Variants in SIRPA observed in about 807,000 individuals in gnomAD.
The protein encoded by SIRPA is tyrosine-protein phosphatase non-receptor type substrate 1.
In SIRPA, 9 loss-of-function variants were observed where a neutral mutation model predicts 50.3. That is an observed-to-expected ratio of 0.18 (90% CI 0.11 to 0.31). The LOEUF (loss-of-function observed/expected upper bound fraction) is 0.31, where lower values mean the gene tolerates loss of function less well. SIRPA is among the 10% of genes least tolerant of loss of function. The probability of loss-of-function intolerance (pLI) is 1.00; values close to 1 mark genes in which losing one functional copy is unlikely to be tolerated. For synonymous variants in SIRPA, 265 were observed against 284.1 expected, an observed-to-expected ratio of 0.93 and a Z score of 0.68; for missense variants, 474 against 661.6, an observed-to-expected ratio of 0.72 and a Z score of 3.11.
chr20:1,901,079 A>T (rs910422737), intron 1 of SIRPA, among the ~76,000 whole-genome samples: 1 of 151,654 alleles, frequency 6.6e-6, no homozygotes, highest in African/African-American at 2.4e-5. Flanking sequence ...ACAGGTAGGG[A>T]AACTGAGGCC....
upstream of SIRPA, chr20:1,895,359 G>T (rs1328061300): frequency 3.3e-5 from 25 of 762,200 alleles, 2 homozygotes; most frequent in South Asian, 6.1e-4. Flanking sequence ...GGGAAGGGGG[G>T]GAGCCTTAGT....
intron 1 of SIRPA, among the ~76,000 whole-genome samples, chr20:1,903,032 AG>A (rs1199289274): frequency 2.2e-4 from 24 of 107,932 alleles, no homozygotes; most frequent in African/African-American, 7.4e-4. Flanking sequence ...AAAAAAAAAA[AG>A]AAAAGAAAGA....
rs1983731975 is a variant in SIRPA, at chr20:1,895,420, C to G, written c.-28C>G. The G allele has an allele frequency of 2.9e-6, 4 of 1,363,616 alleles. No individual in the cohort carries two copies. The highest frequency in any genetic ancestry group is 3.6e-5 in the Admixed American group (1 of 27,420). The allele number at this position is 1,363,616 out of a possible 1,614,324, so 84.5% of individuals were successfully genotyped here. A position where few individuals can be genotyped will look rare whatever the true frequency, so the allele number is the denominator to read the frequency against. ...GCCCGAGCGCGCACTCACGGCCGCT[C>G]TCCCTCCTCGCTCCGCAGCCGCGGC... is the stretch of plus-strand genomic sequence containing the variant. On this transcript the variant is annotated 5_prime_UTR_variant, in exon 1 of 8. Coordinates refer to ENST00000358771, the MANE Select transcript of SIRPA (RefSeq NM_001040023.2).
intron 6 of SIRPA, among the ~76,000 whole-genome samples, chr20:1,929,759 G>T (rs947677320): frequency 1.3e-5 from 2 of 152,132 alleles, no homozygotes; most frequent in African/African-American, 4.8e-5. Context: ...TTTTCCTTTT[G>T]TCATGCTTGT....
intron 1 of SIRPA, 121 bp downstream of exon 1, chr20:1,895,647 C>T: frequency 1.3e-6 from 1 of 745,836 alleles, no homozygotes; most frequent in Non-Finnish European, 1.9e-6. Flanking sequence ...ACGCCTGTAA[C>T]CAGGGTTATA....
chr20:1,925,965 T>G (rs570500578), intron 5 of SIRPA, among the ~76,000 whole-genome samples: 6 of 152,232 alleles, frequency 3.9e-5, no homozygotes, highest in Non-Finnish European at 7.3e-5. Flanking sequence ...TGTCATATTC[T>G]TTTTTCTGTT....
chr20:1,899,218 C>CA lies in SIRPA; in HGVS notation c.79+3699dup, dbSNP rs1372660039. On this transcript the variant is annotated intron_variant, in intron 1 of 7. Transcript: ENST00000358771. ...CCAAGTTTTCTTTAAAAAAAAAAAA[C>CA]AAAAAAACACAAAGCTGCCGTGAGG... 2.5e-4 allele frequency among the ~76,000 whole-genome samples: 38 copies of CA among 149,218 alleles called. No homozygotes were observed. In the South Asian group the frequency reaches 7.6e-3, roughly 30 times the overall value.
In SIRPA at chr20:1,898,026, G is replaced by T. The variant is rs1402969178; in HGVS notation, c.79+2500G>T. 6.6e-6 allele frequency among the ~76,000 whole-genome samples: 1 copy of T among 152,210 alleles called. No homozygotes were observed. Among genetic ancestry groups the T allele is most frequent in the Non-Finnish European group, 1.5e-5 (1 of 68,032 alleles). The stretch of plus-strand genomic sequence containing the variant: ...GCTGAACCCGCAGGATGCCTGCTTG[G>T]CCCCAGGTAGGCCTTGAGACCTCTG... On this transcript the variant is annotated intron_variant, in intron 1 of 7. Transcript: ENST00000358771. This position sits in a 1 kb window ranked among gnomAD's most constrained non-coding sequence, Gnocchi z 4.3.
chr20:1,934,933 A>G lies in SIRPA; in HGVS notation c.1266+179A>G, dbSNP rs1439033648. Reference sequence around the variant, plus strand: ...ATTCCTTCTCTCTACTGCAGCCAAGAGTGGCTGTTGCAGCCTCATGACTCA... The same window carrying G: ...ATTCCTTCTCTCTACTGCAGCCAAGGGTGGCTGTTGCAGCCTCATGACTCA... On this transcript the variant is annotated intron_variant, in intron 7 of 7. Transcript: ENST00000358771. This position sits in a 1 kb window ranked among gnomAD's most constrained non-coding sequence, Gnocchi z 4.6. Among the ~76,000 whole-genome samples, 1 of 152,174 alleles carries G rather than the reference A, an allele frequency of 6.6e-6. No individual in the cohort carries two copies. The highest frequency in any genetic ancestry group is 2.4e-5 in the African/African-American group (1 of 41,434).
chr20:1,932,051 A>G lies in SIRPA; in HGVS notation c.1227-2664A>G, dbSNP rs1442094883. ...TCATGGCACTTAAGAGCCAGTGAGA[A>G]AGATTCATTCATTCATTCATTCATT... is the stretch of plus-strand genomic sequence containing the variant. On this transcript the variant is annotated intron_variant, in intron 6 of 7. Transcript: ENST00000358771. The surrounding 1 kb of genome is among the most constrained non-coding windows in gnomAD (Gnocchi z 6.0). Among the ~76,000 whole-genome samples, 1 of 148,720 alleles carries G rather than the reference A, an allele frequency of 6.7e-6. No individual in the cohort carries two copies. The highest frequency in any genetic ancestry group is 1.5e-5 in the Non-Finnish European group (1 of 67,646).
At chr20:1,900,965 G>A (rs942221406) in intron 1 of SIRPA, among the ~76,000 whole-genome samples, 1 of 152,094 alleles carries the variant, frequency 6.6e-6, no homozygotes, top group Non-Finnish European at 1.5e-5. Context: ...CTTGCCCAAG[G>A]CCACACCGTA....
Position 1,924,194 on chromosome 20 carries a change from C to A in SIRPA, c.1088-570C>A, listed in dbSNP as rs1416232293. 6.6e-6 allele frequency among the ~76,000 whole-genome samples: 1 copy of A among 152,188 alleles called. No homozygotes were observed. Among genetic ancestry groups the A allele is most frequent in the African/African-American group, 2.4e-5 (1 of 41,444 alleles). On this transcript the variant is annotated intron_variant, in intron 4 of 7. Coordinates refer to ENST00000358771, the MANE Select transcript of SIRPA (RefSeq NM_001040023.2). The surrounding 1 kb of genome is among the most constrained non-coding windows in gnomAD (Gnocchi z 4.5). ...GGCTTAGAGCCCTGCTTCTGATGAA[C>A]CACTGTGTTCTAGTCTATGACCCCC...
At chr20:1,902,666 G>A (rs1984290426) in intron 1 of SIRPA, among the ~76,000 whole-genome samples, 2 of 152,088 alleles carry the variant, frequency 1.3e-5, no homozygotes, top group Admixed American at 1.3e-4. Flanking sequence ...GAAGGGAGAA[G>A]GTTAGTCAGG....
intron 1 of SIRPA, among the ~76,000 whole-genome samples, chr20:1,905,201 G>A (rs964979073): frequency 5.9e-5 from 9 of 152,232 alleles, no homozygotes; most frequent in East Asian, 1.9e-4. Flanking sequence ...GGCAAATGTC[G>A]TTTAATAAAT....
chr20:1,910,666 A>G (rs1984835293), intron 1 of SIRPA, among the ~76,000 whole-genome samples: 1 of 152,226 alleles, frequency 6.6e-6, no homozygotes, highest in Non-Finnish European at 1.5e-5. Flanking sequence ...GGTAACATAC[A>G]TCATTACATG....
intron 1 of SIRPA, among the ~76,000 whole-genome samples, chr20:1,899,511 G>C (rs1984035979): frequency 6.6e-6 from 1 of 152,200 alleles, no homozygotes; most frequent in Non-Finnish European, 1.5e-5. Context: ...CTCTCCGTTT[G>C]GTAAACGGTT....
chr20:1,919,301 C>T (rs1426352051), intron 2 of SIRPA, among the ~76,000 whole-genome samples: 1 of 152,214 alleles, frequency 6.6e-6, no homozygotes, highest in African/African-American at 2.4e-5. Context: ...TTAATTAATC[C>T]AGAAGATTCT....
Position 1,921,471 on chromosome 20 carries a change from G to A in SIRPA, c.513G>A (p.Glu171=). Residue 171 remains glutamate (E), a synonymous_variant, in exon 3 of 8, where the codon GAG becomes GAA. Coordinates refer to ENST00000358771, the MANE Select transcript of SIRPA (RefSeq NM_001040023.2). Reference sequence around the variant, plus strand: ...AGCACACAGTGAGCTTCACCTGCGAGTCCCACGGCTTCTCACCCAGAGACA... The same window carrying A: ...AGCACACAGTGAGCTTCACCTGCGAATCCCACGGCTTCTCACCCAGAGACA... The part of the protein sequence containing the change: ...TPQHTVSFTC[E]SHGFSPRDIT... 1 of 1,613,906 alleles carries A rather than the reference G, an allele frequency of 6.2e-7. No individual in the cohort carries two copies. Among genetic ancestry groups the A allele is most frequent in the East Asian group, 2.2e-5 (1 of 44,868 alleles).
rs1226469563 is a variant in SIRPA at position 1,932,293 on chromosome 20, C to A, written c.1227-2422C>A. On this transcript the variant is annotated intron_variant, in intron 6 of 7. Coordinates refer to ENST00000358771, the MANE Select transcript of SIRPA (RefSeq NM_001040023.2). The surrounding 1 kb of genome is among the most constrained non-coding windows in gnomAD (Gnocchi z 6.0). ...AAGCCAGGTATGGGATAGAGCAGAT[C>A]AAGGAGGTGGGGTCTGGGGCGAGCA... Among the ~76,000 whole-genome samples, 1 of 152,076 alleles carries A rather than the reference C, an allele frequency of 6.6e-6. No homozygotes were observed. Among genetic ancestry groups the A allele is most frequent in the African/African-American group, 2.4e-5 (1 of 41,400 alleles).
Sources: gnomAD v4.1 joint callset for allele counts (sites outside exome capture counted in the v4.1 genomes callset) on GRCh38, gnomAD v4.1.1 for gene constraint, Gnocchi (gnomAD v3.1) non-coding constraint, MANE v1.5 for transcripts, NCBI Gene and HGNC (gene_info 2026-07-23, HGNC 2026-07-21) for gene names.